The following MSI2 variants were observed in gnomAD, a reference collection of about 807,000 sequenced individuals.
The protein encoded by MSI2 is musashi RNA binding protein 2.
In MSI2, 17 loss-of-function variants were observed where a neutral mutation model predicts 45.6. The observed-to-expected ratio is 0.37, with a 90% CI of 0.26 to 0.56. The LOEUF is 0.56. MSI2 is among the 20% of genes least tolerant of loss of function. MSI2 has a pLI of 0.77. For missense variants in MSI2, 293 were observed against 444.2 expected, an observed-to-expected ratio of 0.66 and a Z score of 3.06; for synonymous variants, 156 against 158.2, an observed-to-expected ratio of 0.99 and a Z score of 0.11.
the MSI2 span, among the ~76,000 whole-genome samples, chr17:57,690,436 C>A: frequency 8.4e-6 from 1 of 118,722 alleles, no homozygotes; most frequent in Non-Finnish European, 1.8e-5. Flanking sequence ...TATAGTGAGA[C>A]CCTATCTCTA....
In MSI2 at chr17:57,589,057, C is replaced by T. The variant is rs550791920; in HGVS notation, c.455-7811C>T. 3.9e-5 allele frequency among the ~76,000 whole-genome samples: 6 copies of T among 152,284 alleles called. No individual in the cohort carries two copies. The South Asian group carries it at 1.2e-3, about 32-fold the overall frequency. On this transcript the variant is annotated intron_variant, in intron 7 of 13. Transcript: ENST00000284073. The stretch of plus-strand genomic sequence containing the variant: ...ATGTGGACTGATCCTCAATAACCAC[C>T]TTTGGGAAGCAGATGCGAGTTGTAA...
chr17:57,304,093 T>G (rs1199527920), intron 5 of MSI2, among the ~76,000 whole-genome samples: 2 of 152,144 alleles, frequency 1.3e-5, no homozygotes, highest in African/African-American at 2.4e-5. Context: ...GCGCCATGGC[T>G]CACGCCTGTA....
chr17:57,341,964 G>A (rs1915201994), intron 5 of MSI2, among the ~76,000 whole-genome samples: 1 of 151,992 alleles, frequency 6.6e-6, no homozygotes, highest in Admixed American at 6.6e-5. Context: ...TGGAACCAGA[G>A]TGAGCTACAT....
chr17:57,392,077 T>G (rs1170104447), intron 5 of MSI2, among the ~76,000 whole-genome samples: 1 of 152,202 alleles, frequency 6.6e-6, no homozygotes, highest in African/African-American at 2.4e-5. Flanking sequence ...GTGATCGGAA[T>G]GACGGCTAGC....
intron 7 of MSI2, among the ~76,000 whole-genome samples, chr17:57,581,881 T>G (rs1442175216): frequency 6.6e-6 from 1 of 152,264 alleles, no homozygotes; most frequent in African/African-American, 2.4e-5. Context: ...GTATTCAGAA[T>G]GCTAATAGAA....
intron 5 of MSI2, among the ~76,000 whole-genome samples, chr17:57,373,914 G>A (rs2083456236): frequency 6.6e-6 from 1 of 152,212 alleles, no homozygotes; most frequent in Admixed American, 6.5e-5. Flanking sequence ...AGCTGCAAGG[G>A]AACCTGGAAT....
chr17:57,424,593 G>A (rs573979624), intron 6 of MSI2, among the ~76,000 whole-genome samples: 2 of 152,276 alleles, frequency 1.3e-5, no homozygotes, highest in South Asian at 4.2e-4. Context: ...TGAGGCTTGG[G>A]AGCCATTAAC....
chr17:57,545,283 A>T (rs539314111), intron 7 of MSI2, among the ~76,000 whole-genome samples: 348 of 152,278 alleles, frequency 2.3e-3, no homozygotes, highest in Admixed American at 6.2e-3. Flanking sequence ...CTTTGGGCAA[A>T]GGTTATCTGC....
chr17:57,327,992 T>C (rs147897886), intron 5 of MSI2, among the ~76,000 whole-genome samples: 1 of 152,302 alleles, frequency 6.6e-6, no homozygotes, highest in Non-Finnish European at 1.5e-5. Flanking sequence ...TCACCCCCTA[T>C]AATTTAGTAT....
chr17:57,636,577 C>T (rs1372691523), intron 10 of MSI2, among the ~76,000 whole-genome samples: 1 of 152,196 alleles, frequency 6.6e-6, no homozygotes, highest in Non-Finnish European at 1.5e-5. Context: ...CTCTTTCTGG[C>T]CTAGTTCAGT....
chr17:57,659,417 G>C (rs1317879834), intron 11 of MSI2, among the ~76,000 whole-genome samples: 1 of 152,054 alleles, frequency 6.6e-6, no homozygotes, highest in African/African-American at 2.4e-5. Context: ...TTGACTTTCA[G>C]ATATACACCG....
chr17:57,395,164 C>T (rs995755971), intron 5 of MSI2, among the ~76,000 whole-genome samples: 3 of 152,218 alleles, frequency 2.0e-5, no homozygotes, highest in Admixed American at 2.0e-4. Context: ...TCTGTTTGTC[C>T]TCTTCTTAGA....
intron 5 of MSI2, among the ~76,000 whole-genome samples, chr17:57,395,117 C>G (rs551243432): frequency 1.4e-4 from 21 of 152,292 alleles, no homozygotes; most frequent in Admixed American, 3.9e-4. Flanking sequence ...CACTCAAGGC[C>G]CTGCCTTCAT....
intron 6 of MSI2, among the ~76,000 whole-genome samples, chr17:57,410,696 T>A (rs1371122104): frequency 6.6e-6 from 1 of 152,134 alleles, no homozygotes; most frequent in Admixed American, 6.5e-5. Context: ...AGATTAGTTG[T>A]AAATTAGAGA....
chr17:57,487,938 G>T (rs1267802557), intron 6 of MSI2, among the ~76,000 whole-genome samples: 2 of 151,756 alleles, frequency 1.3e-5, no homozygotes, highest in East Asian at 3.9e-4. Context: ...GTGCTTTATG[G>T]TTACTTTTTG....
intron 5 of MSI2, among the ~76,000 whole-genome samples, chr17:57,339,093 CTG>C (rs1914915439): frequency 1.3e-5 from 2 of 152,110 alleles, no homozygotes; most frequent in East Asian, 1.9e-4. Context: ...ACGCAAATAT[CTG>C]TATTTTTTGT....
At chr17:57,558,049 C>T (rs1334120575) in intron 7 of MSI2, among the ~76,000 whole-genome samples, 1 of 152,190 alleles carries the variant, frequency 6.6e-6, no homozygotes, top group African/African-American at 2.4e-5. Context: ...TCTCTCATAA[C>T]AGCCTCCTCC....
At position 57,596,894 on chromosome 17, in the gene MSI2, G is replaced by T; in HGVS notation, c.481G>T (p.Glu161Ter). 1 of 1,613,522 alleles carries T rather than the reference G, an allele frequency of 6.2e-7. No individual in the cohort carries two copies. Reference protein sequence around the residue: ...RGFGFVTFENEDVVEKVCEIH... With the variant: ...RGFGFVTFEN ...GTTTGGCTTTGTCACTTTTGAGAATGAAGATGTTGTGGAGAAAGTCTGTGA... is the reference window on the plus strand; with the variant it reads ...GTTTGGCTTTGTCACTTTTGAGAATTAAGATGTTGTGGAGAAAGTCTGTGA... The change falls in exon 8 of 14, where the codon GAA (glutamate) becomes TAA (stop). Residue 161 changes from glutamate to a stop codon, truncating the protein, a stop_gained. Transcript: ENST00000284073. LOFTEE classifies it high-confidence loss of function. This position sits in a 1 kb window ranked among gnomAD's most constrained non-coding sequence, Gnocchi z 4.6.
chr17:57,478,133 C>A (rs1038482959), intron 6 of MSI2, among the ~76,000 whole-genome samples: 2 of 152,170 alleles, frequency 1.3e-5, no homozygotes, highest in Non-Finnish European at 2.9e-5. Flanking sequence ...AGACGGTATG[C>A]CACACTGGGC....
Sources: allele counts gnomAD v4.1 joint callset (sites outside exome capture counted in the v4.1 genomes callset), GRCh38; gene constraint gnomAD v4.1.1; non-coding constraint Gnocchi (gnomAD v3.1); transcripts MANE v1.5; gene names NCBI Gene and HGNC (gene_info 2026-07-23, HGNC 2026-07-21).